Variants in NEO1 observed in about 807,000 individuals in gnomAD.
NEO1 encodes the protein neogenin.
A neutral mutation model predicts 159.7 loss-of-function variants in NEO1; 63 were observed. The ratio of observed to expected loss-of-function variants is 0.39; its 90% CI spans 0.32 to 0.49. The LOEUF is 0.49. Ranked by LOEUF, NEO1 falls within the 20% of genes least tolerant of loss-of-function variation. The probability of loss-of-function intolerance (pLI) is 0.85; values close to 1 mark genes in which losing one functional copy is unlikely to be tolerated. For synonymous variants in NEO1, 633 were observed against 662.0 expected (o/e 0.96, Z 0.67); for missense variants, 1,615 against 1,831.0 (o/e 0.88, Z 2.15).
chr15:73,163,663 T>C (rs1035421277), intron 5 of NEO1, among the ~76,000 whole-genome samples: 4 of 152,224 alleles, frequency 2.6e-5, no homozygotes, highest in Admixed American at 1.3e-4. Context: ...TTTAAAATGC[T>C]GAAACCGATT....
intron 9 of NEO1, among the ~76,000 whole-genome samples, chr15:73,245,346 C>G (rs575251617): frequency 1.3e-5 from 2 of 152,092 alleles, no homozygotes; most frequent in Non-Finnish European, 2.9e-5. Context: ...TGTGGTCTTT[C>G]GTGCTAAATA....
chr15:73,282,876 A>G, intron 22 of NEO1, 88 bp from the exon 23 acceptor site: 1 of 1,461,604 alleles, frequency 6.8e-7, no homozygotes, highest in Non-Finnish European at 9.3e-7. Flanking sequence ...CAAGAAGTTC[A>G]CGTGAGATAT....
intron 10 of NEO1, 45 bp downstream of exon 10, chr15:73,249,253 A>G: frequency 6.3e-7 from 1 of 1,587,986 alleles, no homozygotes; most frequent in Non-Finnish European, 8.6e-7. Context: ...GGAATAGTAG[A>G]GTTGAAATAT....
intron 6 of NEO1, among the ~76,000 whole-genome samples, chr15:73,177,413 C>T (rs1003858395): frequency 2.0e-5 from 3 of 152,094 alleles, no homozygotes; most frequent in African/African-American, 4.8e-5. Context: ...GCATGATCTC[C>T]TGTTGCAAAA....
intron 1 of NEO1, among the ~76,000 whole-genome samples, chr15:73,056,750 A>G (rs1019454152): frequency 6.6e-6 from 1 of 152,074 alleles, no homozygotes; most frequent in African/African-American, 2.4e-5. Context: ...CTTAGTTTCC[A>G]GATCTTTTGT....
At chr15:73,131,059 C>T (rs572623699) in intron 4 of NEO1, among the ~76,000 whole-genome samples, 1 of 152,196 alleles carries the variant, frequency 6.6e-6, no homozygotes, top group South Asian at 2.1e-4. Flanking sequence ...GACAGCACCC[C>T]CCCACACACA....
intron 24 of NEO1, among the ~76,000 whole-genome samples, chr15:73,288,761 C>A (rs1248196939): frequency 2.0e-5 from 3 of 152,106 alleles, no homozygotes; most frequent in African/African-American, 7.2e-5. Context: ...GACAATCTTG[C>A]AGATCTTTTA....
intron 5 of NEO1, among the ~76,000 whole-genome samples, chr15:73,152,966 TA>T (rs1178793384): frequency 6.6e-6 from 1 of 152,140 alleles, no homozygotes; most frequent in Non-Finnish European, 1.5e-5. Context: ...TTCACGTGAT[TA>T]TGGAGGCTGA....
chr15:73,293,260 C>T, intron 25 of NEO1, 130 bp from the exon 26 acceptor site: 1 of 1,046,018 alleles, frequency 9.6e-7, no homozygotes, highest in Non-Finnish European at 1.4e-6. Flanking sequence ...TAGCCAGCTG[C>T]CACCAAAAAA....
chr15:73,231,145 T>G (rs1187359996), intron 7 of NEO1, among the ~76,000 whole-genome samples: 1 of 152,180 alleles, frequency 6.6e-6, no homozygotes, highest in East Asian at 1.9e-4. Context: ...CTAAAACTAT[T>G]AGACAAAGTT....
chr15:73,212,360 T>C (rs2037629677), intron 7 of NEO1, among the ~76,000 whole-genome samples: 1 of 152,232 alleles, frequency 6.6e-6, no homozygotes, highest in Non-Finnish European at 1.5e-5. Context: ...TTAGATTGAC[T>C]CTTTCCCGTG....
At chr15:73,132,638 T>C (rs6495058) in intron 4 of NEO1, among the ~76,000 whole-genome samples, 108,624 of 152,042 alleles carry the variant, frequency 0.71, 39,858 homozygotes, top group African/African-American at 0.89. Context: ...TCTATACATC[T>C]GACAAAGGAC....
At chr15:73,257,132 C>CAAAAAGA (rs2040397167) in intron 13 of NEO1, among the ~76,000 whole-genome samples, 1 of 54,776 alleles carries the variant, frequency 1.8e-5, no homozygotes, top group East Asian at 1.0e-3. Flanking sequence ...ACTCTGTCTC[C>CAAAAAGA]AAAAAAAAAA....
intron 1 of NEO1, among the ~76,000 whole-genome samples, chr15:73,096,848 G>A (rs990796398): frequency 6.6e-6 from 1 of 152,164 alleles, no homozygotes; most frequent in African/African-American, 2.4e-5. Flanking sequence ...ATGTAAGGCT[G>A]GGTGCAGTGG....
At chr15:73,241,937 T>C (rs2039507036) in intron 8 of NEO1, among the ~76,000 whole-genome samples, 1 of 152,196 alleles carries the variant, frequency 6.6e-6, no homozygotes, top group African/African-American at 2.4e-5. Context: ...AAAAAATATA[T>C]ATATGATATT....
chr15:73,138,310 C>T (rs1223231892), intron 5 of NEO1, among the ~76,000 whole-genome samples: 1 of 152,146 alleles, frequency 6.6e-6, no homozygotes, highest in Non-Finnish European at 1.5e-5. Flanking sequence ...GTTGAATACA[C>T]ACAATTTATA....
intron 9 of NEO1, among the ~76,000 whole-genome samples, chr15:73,247,511 C>T (rs1440363847): frequency 6.6e-6 from 1 of 152,136 alleles, no homozygotes; most frequent in Non-Finnish European, 1.5e-5. Flanking sequence ...TCAGGCTGCA[C>T]AAAATATGCC....
intron 1 of NEO1, among the ~76,000 whole-genome samples, chr15:73,059,960 C>G (rs534617251): frequency 6.6e-6 from 1 of 151,804 alleles, no homozygotes; most frequent in Non-Finnish European, 1.5e-5. Context: ...ACTAAGAAGT[C>G]CTGAGCAGAG....
At chr15:73,055,415 AT>A (rs1262980944) in intron 1 of NEO1, among the ~76,000 whole-genome samples, 5 of 151,442 alleles carry the variant, frequency 3.3e-5, no homozygotes, top group African/African-American at 1.2e-4. Flanking sequence ...CCCTTCTTAC[AT>A]TTTTTCCTCT....
Sources: gnomAD v4.1 joint callset for allele counts (sites outside exome capture counted in the v4.1 genomes callset) on GRCh38, gnomAD v4.1.1 for gene constraint, MANE v1.5 for transcripts, NCBI Gene and HGNC (gene_info 2026-07-23, HGNC 2026-07-21) for gene names.